The following LSG1 variants were observed in gnomAD, a reference collection of about 807,000 sequenced individuals.
LSG1 encodes large subunit GTPase 1 homolog.
In LSG1, 55 loss-of-function variants were observed where a neutral mutation model predicts 82.6. That is an observed-to-expected ratio of 0.67 (90% CI 0.54 to 0.83). The LOEUF (loss-of-function observed/expected upper bound fraction) is 0.83, where lower values mean the gene tolerates loss of function less well. Ranked by LOEUF, LSG1 falls within the 40% of genes least tolerant of loss-of-function variation. The pLI is 0.00. For missense variants in LSG1, 809 were observed against 807.9 expected (o/e 1.00, Z -0.02); for synonymous variants, 272 against 282.5 (o/e 0.96, Z 0.37).
Position 194,655,906 on chromosome 3 carries a change from T to C in LSG1, c.760-2764A>G, listed in dbSNP as rs529026503. On this transcript the variant is annotated intron_variant, in intron 7 of 13. Transcript: ENST00000265245. ...ACAAAAACAAGCAATGGGGAAAGGA[T>C]TCCCTATTTAATATATGGTGCTGGG... Among the ~76,000 whole-genome samples, 154 of 152,286 alleles carry C rather than the reference T, an allele frequency of 1.0e-3. 2 individuals are homozygous for C. Among genetic ancestry groups the C allele is most frequent in the African/African-American group, 3.6e-3 (150 of 41,574 alleles).
intron 1 of LSG1, 66 bp downstream of exon 1, chr3:194,671,998 G>A: frequency 6.8e-7 from 1 of 1,466,070 alleles, no homozygotes; most frequent in East Asian, 2.3e-5. Context: ...TCTGACTTTT[G>A]ACCCCGAATT....
chr3:194,653,736 T>C (rs1432247561), intron 7 of LSG1, among the ~76,000 whole-genome samples: 1 of 152,108 alleles, frequency 6.6e-6, no homozygotes, highest in Non-Finnish European at 1.5e-5. Context: ...ATTACTTTTG[T>C]AATTTAAAAT....
chr3:194,647,691 T>C (rs1471924982), intron 11 of LSG1, among the ~76,000 whole-genome samples: 1 of 152,228 alleles, frequency 6.6e-6, no homozygotes, highest in Non-Finnish European at 1.5e-5. Flanking sequence ...GGAAGTTTGG[T>C]GGAAGTCCAC....
chr3:194,658,711 T>TA (rs924491063), intron 7 of LSG1, among the ~76,000 whole-genome samples: 9 of 152,196 alleles, frequency 5.9e-5, no homozygotes, highest in African/African-American at 2.2e-4. Flanking sequence ...TACAACCTTT[T>TA]AAAAAAATTT....
At chr3:194,668,901 T>G (rs1719085702) in intron 2 of LSG1, among the ~76,000 whole-genome samples, 1 of 121,814 alleles carries the variant, frequency 8.2e-6, no homozygotes, top group Non-Finnish European at 1.8e-5. Context: ...TTGACACTTG[T>G]GACAATATGA....
At chr3:194,654,651 T>C in intron 7 of LSG1, among the ~76,000 whole-genome samples, 1 of 152,212 alleles carries the variant, frequency 6.6e-6, no homozygotes, top group South Asian at 2.1e-4. Context: ...TTTTCAAATA[T>C]GAAAGTAGCA....
At chr3:194,669,219 C>T (rs1300677131) in intron 2 of LSG1, among the ~76,000 whole-genome samples, 1 of 152,126 alleles carries the variant, frequency 6.6e-6, no homozygotes, top group African/African-American at 2.4e-5. Context: ...CACAAAAAAA[C>T]AATGTGAGGT....
chr3:194,664,352 A>G (rs1042546739), intron 5 of LSG1, among the ~76,000 whole-genome samples: 1 of 152,208 alleles, frequency 6.6e-6, no homozygotes, highest in African/African-American at 2.4e-5. Context: ...TTCACTTTAT[A>G]GATTTCAAAG....
intron 5 of LSG1, among the ~76,000 whole-genome samples, chr3:194,665,022 A>G (rs1411550786): frequency 6.6e-6 from 1 of 152,202 alleles, no homozygotes; most frequent in East Asian, 1.9e-4. Flanking sequence ...GACTCAGCCC[A>G]CTGCCTTTCT....
chr3:194,644,796 G>A (rs1718486101), intron 12 of LSG1, 50 bp from the exon 13 acceptor site: 1 of 1,483,736 alleles, frequency 6.7e-7, no homozygotes, highest in Admixed American at 2.0e-5. Context: ...GCCATCTGTG[G>A]CCTCAGAGGA....
intron 2 of LSG1, among the ~76,000 whole-genome samples, chr3:194,666,784 C>T (rs1719038399): frequency 1.3e-5 from 2 of 152,108 alleles, no homozygotes; most frequent in African/African-American, 4.8e-5. Context: ...TTTTGACTGC[C>T]ACACAGTATT....
intron 7 of LSG1, among the ~76,000 whole-genome samples, chr3:194,653,557 C>G (rs902714215): frequency 6.6e-6 from 1 of 151,434 alleles, no homozygotes; most frequent in Non-Finnish European, 1.5e-5. Context: ...CAAAGTTCGA[C>G]GGAGATGGAA....
rs1718410490 is a variant in LSG1, at chr3:194,642,178, T to A, written c.1867A>T (p.Thr623Ser). The change falls in exon 14 of 14, where the codon ACT becomes TCT. Residue 623 changes from threonine (T) to serine (S), a missense_variant. Transcript: ENST00000265245. ...MGYKPGSGVV[T>S]ASTASSENGA... is the part of the protein sequence containing the mutation. ...TTCTCAGAGCTCGCAGTGGATGCAGTCACTACACCACTCCCGGGCTTGTAA... is the reference window on the plus strand; with the variant it reads ...TTCTCAGAGCTCGCAGTGGATGCAGACACTACACCACTCCCGGGCTTGTAA... The A allele has an allele frequency of 6.2e-7, 1 of 1,614,120 alleles. No individual in the cohort carries two copies. The highest frequency in any genetic ancestry group is 2.2e-5 in the East Asian group (1 of 44,890).
intron 5 of LSG1, chr3:194,660,671 T>G (rs572419981): frequency 3.2e-6 from 1 of 309,650 alleles, no homozygotes; most frequent in East Asian, 7.7e-5. Flanking sequence ...AGCATATTTT[T>G]GGCAAACAAT....
intron 12 of LSG1, among the ~76,000 whole-genome samples, chr3:194,645,571 GACAGACACACAC>G (rs1560219823): frequency 0.021 from 861 of 41,298 alleles, 105 homozygotes; most frequent in African/African-American, 0.068. Flanking sequence ...CACACACACA[GACAGACACACAC>G]ACACACACAC....
chr3:194,658,686 A>G lies in LSG1; in HGVS notation c.759+271T>C, dbSNP rs572717666. Reference sequence around the variant, plus strand: ...TTACAGGGTCATTGTGGAACTTCCTATACAATTTCCTGTCTACAACCTTTT... The same window carrying G: ...TTACAGGGTCATTGTGGAACTTCCTGTACAATTTCCTGTCTACAACCTTTT... On this transcript the variant is annotated intron_variant, in intron 7 of 13. Coordinates refer to ENST00000265245, the MANE Select transcript of LSG1 (RefSeq NM_018385.3). 3.3e-5 allele frequency among the ~76,000 whole-genome samples: 5 copies of G among 152,320 alleles called. No homozygotes were observed. In the South Asian group the frequency reaches 1.0e-3, roughly 32 times the overall value.
intron 5 of LSG1, among the ~76,000 whole-genome samples, chr3:194,663,200 G>A (rs569606134): frequency 2.0e-5 from 3 of 152,268 alleles, no homozygotes; most frequent in South Asian, 2.1e-4. Context: ...GGCATTCTCA[G>A]GAGTACACAG....
intron 1 of LSG1, chr3:194,671,752 T>C (rs1031103163): frequency 2.4e-5 from 10 of 412,390 alleles, no homozygotes; most frequent in Admixed American, 4.6e-5. Context: ...TTTCCTGCTC[T>C]GGAAGTTCCA....
rs1235953629 is a variant in LSG1, at chr3:194,659,007, T to C, written c.709A>G (p.Ile237Val). Residue 237 changes from isoleucine (I) to valine (V), a missense_variant, in exon 7 of 14, where the codon ATT (isoleucine) becomes GTT (valine). Coordinates refer to ENST00000265245, the MANE Select transcript of LSG1 (RefSeq NM_018385.3). ...MYFEKEDVKV[I>V]FWSALAGAIP... ...GCTCCGGCCAAAGCTGACCAGAAAA[T>C]AACCTTCACATCTTCTTTTTCGAAG... 6.2e-7 allele frequency: 1 copy of C among 1,614,098 alleles called. No individual in the cohort carries two copies. The highest frequency in any genetic ancestry group is 1.3e-5 in the African/African-American group (1 of 75,028).
Sources: gnomAD v4.1 joint callset for allele counts (sites outside exome capture counted in the v4.1 genomes callset) on GRCh38, gnomAD v4.1.1 for gene constraint, MANE v1.5 for transcripts, NCBI Gene and HGNC (gene_info 2026-07-23, HGNC 2026-07-21) for gene names.